TARS2: variants seen among roughly 807,000 people sequenced by gnomAD.
TARS2 encodes threonine--tRNA ligase, mitochondrial.
Under a neutral mutation model 94.4 loss-of-function variants are expected in TARS2, and 61 were observed. The ratio of observed to expected loss-of-function variants is 0.65; its 90% CI spans 0.53 to 0.80. The LOEUF (loss-of-function observed/expected upper bound fraction) is 0.80, where lower values mean the gene tolerates loss of function less well. Among genes scored for constraint, TARS2 ranks in the 30% least tolerant of loss-of-function variants. The pLI is 0.00. For synonymous variants in TARS2, 359 were observed against 353.4 expected (o/e 1.02, Z -0.18); for missense variants, 704 against 902.5 (o/e 0.78, Z 2.82).
intron 13 of TARS2, among the ~76,000 whole-genome samples, chr1:150,501,258 T>TA (rs1419858216): frequency 1.4e-5 from 2 of 145,030 alleles, no homozygotes; most frequent in East Asian, 4.1e-4. Flanking sequence ...CTGGGCAACA[T>TA]AGTAACAGGG....
At chr1:150,503,559 G>GTATA (rs1670023336) in intron 13 of TARS2, among the ~76,000 whole-genome samples, 1 of 95,096 alleles carries the variant, frequency 1.1e-5, no homozygotes, top group African/African-American at 4.3e-5. Flanking sequence ...GTGTGTGTGT[G>GTATA]TGTGTGTGTG....
In TARS2 at chr1:150,497,736, C is replaced by T. The variant is rs746393118; in HGVS notation, c.1227C>T (p.Cys409=). 4 of 1,613,940 alleles carry T rather than the reference C, an allele frequency of 2.5e-6. No homozygotes were observed. The highest frequency in any genetic ancestry group is 3.4e-6 in the Non-Finnish European group (4 of 1,179,966). ...CACTCGCCCTCAAGCCTATGAACTG[C>T]CCTGCACACTGGTAAGCTGGGAGCT... ...TDTLALKPMN[C]PAHCLMFAHR... Residue 409 remains cysteine (C), a synonymous_variant, in exon 10 of 18, where the codon TGC becomes TGT. Transcript: ENST00000369064.
At chr1:150,499,976 A>G (rs587668935) in intron 13 of TARS2, among the ~76,000 whole-genome samples, 2 of 151,674 alleles carry the variant, frequency 1.3e-5, no homozygotes, top group East Asian at 3.9e-4. Context: ...TGGCAGACCA[A>G]TCTGGGCAAC....
At chr1:150,505,811 C>G (rs190204373) in intron 17 of TARS2, 106 bp downstream of exon 17, 16 of 1,042,836 alleles carry the variant, frequency 1.5e-5, no homozygotes, top group Middle Eastern at 2.1e-4. Context: ...GGGCTCATTA[C>G]CTGAGCAGGT....
In TARS2 at chr1:150,506,883, G is replaced by T. The variant is rs771837581; in HGVS notation, c.2009-33G>T. 3.7e-6 allele frequency: 6 copies of T among 1,612,668 alleles called. No individual in the cohort carries two copies. In the Admixed American group the frequency reaches 5.0e-5, roughly 13 times the overall value. Reference sequence around the variant, plus strand: ...GAAACTGTTCCATGTGGGTGAATTTGCCCTGAGGTTCCCAAACTTCCTCTA... The same window carrying T: ...GAAACTGTTCCATGTGGGTGAATTTTCCCTGAGGTTCCCAAACTTCCTCTA... On this transcript the variant is annotated intron_variant, in intron 17 of 17. Coordinates refer to ENST00000369064, the MANE Select transcript of TARS2 (RefSeq NM_025150.5).
chr1:150,490,533 A>C (rs1669335785), intron 3 of TARS2, 68 bp from the exon 4 acceptor site: 10 of 1,534,792 alleles, frequency 6.5e-6, no homozygotes, highest in Non-Finnish European at 8.7e-6. Flanking sequence ...TTTGTGAGGA[A>C]GAGCTCAGAG....
intron 10 of TARS2, 133 bp from the exon 11 acceptor site, chr1:150,498,369 G>A: frequency 9.1e-7 from 1 of 1,103,430 alleles, no homozygotes; most frequent in Non-Finnish European, 1.2e-6. Context: ...AGGACTCAGT[G>A]GGAGGATGTG....
At chr1:150,503,163 ATC>A (rs1669997210) in intron 13 of TARS2, among the ~76,000 whole-genome samples, 1 of 152,196 alleles carries the variant, frequency 6.6e-6, no homozygotes, top group Admixed American at 6.6e-5. Flanking sequence ...GGTGGCATCA[ATC>A]TCTGCATTTG....
At chr1:150,498,841 G>A in intron 11 of TARS2, 56 bp from the exon 12 acceptor site, 1 of 1,611,428 alleles carries the variant, frequency 6.2e-7, no homozygotes, top group Non-Finnish European at 8.5e-7. Flanking sequence ...CAAACTGCCA[G>A]CATCCCTGAT....
intron 2 of TARS2, 116 bp downstream of exon 2, chr1:150,488,170 A>G: frequency 8.3e-7 from 1 of 1,202,952 alleles, no homozygotes; most frequent in Non-Finnish European, 1.1e-6. Flanking sequence ...CCATTAAGAT[A>G]GCCTTTCCTG....
chr1:150,487,651 T>TCTAA lies in TARS2; in HGVS notation c.66+136_66+139dup, dbSNP rs201661242. 3.9e-3 allele frequency: 5,104 copies of TCTAA among 1,320,192 alleles called. 127 individuals are homozygous for TCTAA. The African/African-American group carries it at 0.056, about 15-fold the overall frequency. The allele number at this position is 1,320,192 out of a possible 1,614,324, so 81.8% of individuals were successfully genotyped here. A position where few individuals can be genotyped will look rare whatever the true frequency, so the allele number is the denominator to read the frequency against. On this transcript the variant is annotated intron_variant, in intron 1 of 17. Transcript: ENST00000369064. ...CCGAGTCCCCAGAAAAGGACTCGTA[T>TCTAA]CTAAACTCGTTATCTAATTCTCGAG... is the stretch of plus-strand genomic sequence containing the variant.
At chr1:150,492,266 G>A (rs587696124) in intron 6 of TARS2, 145 bp from the exon 7 acceptor site, 2 of 822,600 alleles carry the variant, frequency 2.4e-6, no homozygotes, top group South Asian at 3.4e-5. Context: ...GCCCTGCCAG[G>A]GAATTGATTT....
chr1:150,495,232 C>T (rs1416719286), intron 7 of TARS2, among the ~76,000 whole-genome samples: 12 of 149,218 alleles, frequency 8.0e-5, no homozygotes, highest in African/African-American at 3.0e-4. Flanking sequence ...GTAGTCCCAG[C>T]TACTTGGGAG....
In TARS2 at chr1:150,506,486, G is replaced by GCA. The variant is rs10581752; in HGVS notation, c.2009-401_2009-400dup. 5.6e-3 allele frequency among the ~76,000 whole-genome samples: 694 copies of GCA among 123,784 alleles called. 16 individuals are homozygous for GCA. Among genetic ancestry groups the GCA allele is most frequent in the African/African-American group, 0.018 (609 of 33,942 alleles). 81.2% of individuals were successfully genotyped at this position (123,784 alleles called of 152,430 possible). ...TAATACCCCCTTCAGACACGCGCGC[G>GCA]CACACACACACACACACACACACAC... On this transcript the variant is annotated intron_variant, in intron 17 of 17. Transcript: ENST00000369064.
intron 13 of TARS2, among the ~76,000 whole-genome samples, chr1:150,502,767 T>C (rs969074253): frequency 6.6e-6 from 1 of 152,174 alleles, no homozygotes; most frequent in Non-Finnish European, 1.5e-5. Context: ...GTATTCTCAT[T>C]TTTATGTCCC....
At chr1:150,505,153 A>G (rs1670145891) in intron 16 of TARS2, among the ~76,000 whole-genome samples, 175 bp downstream of exon 16, 1 of 152,256 alleles carries the variant, frequency 6.6e-6, no homozygotes, top group East Asian at 1.9e-4. Flanking sequence ...TATCTAAAAA[A>G]TGTGACTAAT....
chr1:150,498,549 G>A lies in TARS2; in HGVS notation c.1286G>A (p.Arg429Gln), dbSNP rs200649877. 19 of 1,602,816 alleles carry A rather than the reference G, an allele frequency of 1.2e-5. No homozygotes were observed. The highest frequency in any genetic ancestry group is 8.1e-5 in the African/African-American group (6 of 74,194). The stretch of plus-strand genomic sequence containing the variant: ...AGATCCTGGCGGGAACTGCCCCTGC[G>A]ACTAGCTGACTTTGGGGCTCTACAC... Reference protein sequence around the residue: ...RPRSWRELPLRLADFGALHRA... With the variant: ...RPRSWRELPLQLADFGALHRA... Residue 429 changes from arginine to glutamine, a missense_variant, in exon 11 of 18, where the codon CGA becomes CAA. Coordinates refer to ENST00000369064, the MANE Select transcript of TARS2 (RefSeq NM_025150.5).
intron 13 of TARS2, among the ~76,000 whole-genome samples, chr1:150,500,452 AG>A (rs1285648640): frequency 6.6e-6 from 1 of 152,018 alleles, no homozygotes; most frequent in Non-Finnish European, 1.5e-5. Context: ...TGGCCGGGTG[AG>A]GTGTTAGGAC....
intron 12 of TARS2, 22 bp from the exon 13 acceptor site, chr1:150,499,194 C>T: frequency 3.1e-6 from 5 of 1,613,926 alleles, no homozygotes; most frequent in Non-Finnish European, 4.2e-6. Context: ...ATGTATTCCA[C>T]TCTTGTCTCA....
Sources: allele counts gnomAD v4.1 joint callset (sites outside exome capture counted in the v4.1 genomes callset), GRCh38; gene constraint gnomAD v4.1.1; transcripts MANE v1.5; gene names NCBI Gene and HGNC (gene_info 2026-07-23, HGNC 2026-07-21).